Variants in CYFIP2 observed in about 807,000 individuals in gnomAD.
CYFIP2 encodes cytoplasmic FMR1-interacting protein 2.
Under a neutral mutation model 158.7 loss-of-function variants are expected in CYFIP2, and 29 were observed. The observed-to-expected ratio is 0.18, with a 90% CI of 0.14 to 0.25. The LOEUF is 0.25. Ranked by LOEUF, CYFIP2 falls within the 10% of genes least tolerant of loss-of-function variation. The pLI, the probability that CYFIP2 is intolerant of heterozygous loss-of-function variation, is 1.00. For synonymous variants in CYFIP2, 585 were observed against 617.6 expected, an observed-to-expected ratio of 0.95 and a Z score of 0.78; for missense variants, 852 against 1,639.5, an observed-to-expected ratio of 0.52 and a Z score of 8.29.
In CYFIP2 at chr5:157,360,176, G is replaced by A. The variant is rs73815861; in HGVS notation, c.2818-106G>A. On this transcript the variant is annotated intron_variant, in intron 24 of 30. Transcript: ENST00000620254. ...ATAAAGGTCAAAGGGACTGTTCCCC[G>A]CCTTTAGGCAAGAGCCTGCCCCATC... 2.0e-3 allele frequency: 1,733 copies of A among 872,776 alleles called. 27 individuals are homozygous for A. The African/African-American group carries it at 0.027, about 13-fold the overall frequency. 54.1% of individuals were successfully genotyped at this position (872,776 alleles called of 1,614,324 possible).
intron 21 of CYFIP2, among the ~76,000 whole-genome samples, chr5:157,338,497 C>T (rs778056299): frequency 1.3e-5 from 2 of 152,256 alleles, no homozygotes; most frequent in South Asian, 2.1e-4. Context: ...CTCAAAGCCT[C>T]GGTTTCCATA....
intron 26 of CYFIP2, among the ~76,000 whole-genome samples, chr5:157,372,840 C>CT (rs1765120076): frequency 6.6e-6 from 1 of 152,154 alleles, no homozygotes. Flanking sequence ...AGCCACCCTC[C>CT]TCCCATTGGC....
intron 26 of CYFIP2, among the ~76,000 whole-genome samples, chr5:157,368,842 G>T (rs748312027): frequency 6.6e-6 from 1 of 152,052 alleles, no homozygotes; most frequent in Non-Finnish European, 1.5e-5. Context: ...CAGCACAGAG[G>T]GTTACCCTCC....
intron 26 of CYFIP2, among the ~76,000 whole-genome samples, chr5:157,368,726 G>A (rs1370067971): frequency 2.6e-5 from 2 of 77,834 alleles, no homozygotes; most frequent in East Asian, 5.0e-4. Context: ...ACAGTTAAGA[G>A]TCACTGGTTC....
intron 19 of CYFIP2, among the ~76,000 whole-genome samples, chr5:157,328,358 G>C (rs571478146): frequency 1.3e-5 from 2 of 152,350 alleles, no homozygotes; most frequent in African/African-American, 4.8e-5. Flanking sequence ...AAACCTTTGG[G>C]GGCGGGGAAC....
chr5:157,344,400 C>G (rs2113269443), intron 23 of CYFIP2, among the ~76,000 whole-genome samples: 1 of 152,268 alleles, frequency 6.6e-6, no homozygotes, highest in South Asian at 2.1e-4. Flanking sequence ...TGATGTCACA[C>G]CGCTAATACG....
intron 6 of CYFIP2, among the ~76,000 whole-genome samples, chr5:157,301,798 T>G (rs1020990123): frequency 6.6e-6 from 1 of 151,868 alleles, no homozygotes; most frequent in African/African-American, 2.4e-5. Context: ...GGACTGAAAG[T>G]GGGGGAGGAG....
rs1296987840 is a variant in CYFIP2 at position 157,330,853 on chromosome 5, A to G, written c.2265+3A>G. The G allele has an allele frequency of 1.5e-5, 24 of 1,612,672 alleles. No homozygotes were observed. The highest frequency in any genetic ancestry group is 2.0e-5 in the Non-Finnish European group (24 of 1,178,684). ...TGCTGAAGCAGAGACACGTCCAGGT[A>G]TGGGGAGCAGAAGCCACCTTGGAGA... On this transcript the variant is annotated splice_donor_region_variant and intron_variant, in intron 20 of 30. Transcript: ENST00000620254.
intron 7 of CYFIP2, chr5:157,303,263 AT>A (rs1282162980): frequency 5.1e-6 from 1 of 196,410 alleles, no homozygotes; most frequent in Non-Finnish European, 1.0e-5. Flanking sequence ...TGGGTCTGTT[AT>A]TTTGAGAATA....
intron 21 of CYFIP2, among the ~76,000 whole-genome samples, 183 bp from the exon 22 acceptor site, chr5:157,338,874 T>G (rs938665525): frequency 6.6e-6 from 1 of 152,220 alleles, no homozygotes; most frequent in Non-Finnish European, 1.5e-5. Flanking sequence ...AGTCTGACAA[T>G]CCTTCCACTT....
chr5:157,279,274 G>A (rs1242571119), intron 1 of CYFIP2, among the ~76,000 whole-genome samples: 1 of 152,166 alleles, frequency 6.6e-6, no homozygotes, highest in Non-Finnish European at 1.5e-5. Context: ...TGTTTATATA[G>A]CTCATAAGTG....
intron 1 of CYFIP2, among the ~76,000 whole-genome samples, chr5:157,272,209 A>G (rs1183676921): frequency 2.0e-5 from 3 of 152,194 alleles, no homozygotes; most frequent in Non-Finnish European, 4.4e-5. Context: ...CAGTGGCCCA[A>G]GTCGAGGCTG....
chr5:157,360,227 C>A, intron 24 of CYFIP2, 55 bp from the exon 25 acceptor site: 1 of 1,476,470 alleles, frequency 6.8e-7, no homozygotes, highest in Non-Finnish European at 9.4e-7. Flanking sequence ...GCATAACCTC[C>A]ATACCCCGCA....
At chr5:157,334,336 G>T (rs1761702535) in intron 21 of CYFIP2, among the ~76,000 whole-genome samples, 1 of 152,190 alleles carries the variant, frequency 6.6e-6, no homozygotes, top group Admixed American at 6.5e-5. Flanking sequence ...GGTGCTGATA[G>T]TTGCACAACC....
At chr5:157,347,837 A>G (rs10040015) in intron 23 of CYFIP2, among the ~76,000 whole-genome samples, 38,238 of 152,186 alleles carry the variant, frequency 0.25, 5,629 homozygotes, top group African/African-American at 0.4. Flanking sequence ...CATTCCTCAG[A>G]CCGCTTGACT....
At chr5:157,309,685 A>G in intron 9 of CYFIP2, 58 bp from the exon 10 acceptor site, 1 of 1,479,648 alleles carries the variant, frequency 6.8e-7, no homozygotes, top group Non-Finnish European at 9.2e-7. Context: ...GTGGCAGCGA[A>G]GGCAGCCACC....
intron 19 of CYFIP2, 99 bp downstream of exon 19, chr5:157,328,148 A>G (rs1275073348): frequency 8.5e-7 from 1 of 1,178,908 alleles, no homozygotes; most frequent in African/African-American, 1.5e-5. Flanking sequence ...TTAGCACCTT[A>G]GGAAAACAGA....
chr5:157,384,609 G>C, intron 28 of CYFIP2: 1 of 424,972 alleles, frequency 2.4e-6, no homozygotes, highest in South Asian at 1.6e-5. Flanking sequence ...CCCGGCCCCC[G>C]CATGCCACCA....
rs1759679512 is a variant in CYFIP2, at chr5:157,311,099, T to G, written c.993-565T>G. 21 of 252,060 alleles carry G rather than the reference T, an allele frequency of 8.3e-5. No individual in the cohort carries two copies. The highest frequency in any genetic ancestry group is 2.8e-4 in the East Asian group (2 of 7,088). 15.6% of individuals were successfully genotyped at this position (252,060 alleles called of 1,614,324 possible). On this transcript the variant is annotated intron_variant, in intron 10 of 30. Transcript: ENST00000620254. The surrounding 1 kb of genome is among the most constrained non-coding windows in gnomAD (Gnocchi z 4.7). ...GAGAAGGAGAGAAGGGGGCGAGAGGTAGAGGGGGTGGGTGGAGGGAGGGGC... is the reference window on the plus strand; with the variant it reads ...GAGAAGGAGAGAAGGGGGCGAGAGGGAGAGGGGGTGGGTGGAGGGAGGGGC...
Sources: gnomAD v4.1 joint callset for allele counts (sites outside exome capture counted in the v4.1 genomes callset) on GRCh38, gnomAD v4.1.1 for gene constraint, Gnocchi (gnomAD v3.1) non-coding constraint, MANE v1.5 for transcripts, NCBI Gene and HGNC (gene_info 2026-07-23, HGNC 2026-07-21) for gene names.